SMOC2: variants seen among roughly 807,000 people sequenced by gnomAD.
SMOC2 encodes SPARC related modular calcium binding 2.
A neutral mutation model predicts 61.4 loss-of-function variants in SMOC2; 39 were observed. The ratio of observed to expected loss-of-function variants is 0.64; its 90% CI spans 0.49 to 0.83. SMOC2 has a LOEUF of 0.83. SMOC2 is among the 40% of genes least tolerant of loss of function. The pLI is 0.00. For synonymous variants in SMOC2, 247 were observed against 239.9 expected (o/e 1.03, Z -0.27); for missense variants, 556 against 592.9 (o/e 0.94, Z 0.65).
At chr6:168,496,343 A>G (rs1310900883) in intron 1 of SMOC2, among the ~76,000 whole-genome samples, 1 of 152,180 alleles carries the variant, frequency 6.6e-6, no homozygotes, top group Non-Finnish European at 1.5e-5. Context: ...GAAATGATTT[A>G]TGAGCTGCCT....
rs535056440 is a variant in SMOC2 at position 168,650,688 on chromosome 6, G to A, written c.915G>A (p.Pro305=). The change falls in exon 10 of 13, where the codon CCG becomes CCA. Residue 305 remains proline (P), a synonymous_variant. Transcript: ENST00000356284. The stretch of plus-strand genomic sequence containing the variant: ...CATACACGTGTTTTTCAGGTTGTCC[G>A]GGTGCCAAAAAGCATGAGTTTCTGA... ...LYKGRQLQGC[P]GAKKHEFLTS... is the part of the protein sequence containing the mutation. The A allele has an allele frequency of 1.9e-5, 30 of 1,613,230 alleles. No individual in the cohort carries two copies. Among genetic ancestry groups the A allele is most frequent in the Middle Eastern group, 1.6e-4 (1 of 6,072 alleles).
At chr6:168,462,984 T>C (rs1276392274) in intron 1 of SMOC2, among the ~76,000 whole-genome samples, 1 of 152,176 alleles carries the variant, frequency 6.6e-6, no homozygotes, top group Admixed American at 6.5e-5. Context: ...AATAACACAC[T>C]AAAACTCTCC....
intron 1 of SMOC2, among the ~76,000 whole-genome samples, chr6:168,463,191 T>C (rs1214202988): frequency 6.6e-6 from 1 of 152,176 alleles, no homozygotes; most frequent in Non-Finnish European, 1.5e-5. Flanking sequence ...ACAGAAGATA[T>C]TAAAGTGCAG....
At chr6:168,664,600 T>G in intron 12 of SMOC2, 1 of 412,090 alleles carries the variant, frequency 2.4e-6, no homozygotes, top group Non-Finnish European at 4.9e-6. Flanking sequence ...GCATCCTGCA[T>G]AAGCAGGTGC....
rs755948659 is a variant in SMOC2, at chr6:168,553,922, C to T, written c.637+4719C>T. On this transcript the variant is annotated intron_variant, in intron 7 of 12. Coordinates refer to ENST00000356284, the MANE Select transcript of SMOC2 (RefSeq NM_001166412.2). The surrounding 1 kb of genome is among the most constrained non-coding windows in gnomAD (Gnocchi z 4.2). ...TCGATTAAAACTTGCTTTTGAACTG[C>T]GTGTGCTGTGCATGGTGCCCCTTCC... Among the ~76,000 whole-genome samples the T allele has an allele frequency of 3.5e-4, 53 of 151,496 alleles. No individual in the cohort carries two copies. The highest frequency in any genetic ancestry group is 6.8e-4 in the Non-Finnish European group (46 of 68,028).
intron 8 of SMOC2, among the ~76,000 whole-genome samples, chr6:168,601,335 C>G (rs1785549714): frequency 6.6e-6 from 1 of 152,204 alleles, no homozygotes; most frequent in Admixed American, 6.5e-5. Flanking sequence ...CCCTGGCTGA[C>G]CGCCTGCTCT....
intron 2 of SMOC2, among the ~76,000 whole-genome samples, chr6:168,522,266 C>T (rs912174450): frequency 6.6e-6 from 1 of 152,182 alleles, no homozygotes; most frequent in Non-Finnish European, 1.5e-5. Flanking sequence ...CGGTTTAGCA[C>T]TGTGGCAGAC....
chr6:168,585,119 A>C (rs1440866310), intron 7 of SMOC2, among the ~76,000 whole-genome samples: 1 of 152,054 alleles, frequency 6.6e-6, no homozygotes, highest in African/African-American at 2.4e-5. Context: ...CACCACACAC[A>C]GTGAATTTTT....
At chr6:168,442,868 G>A (rs1781248653) in intron 1 of SMOC2, among the ~76,000 whole-genome samples, 1 of 152,150 alleles carries the variant, frequency 6.6e-6, no homozygotes, top group Non-Finnish European at 1.5e-5. Flanking sequence ...CTGCTAACTG[G>A]GGCTCCAAGG....
intron 7 of SMOC2, among the ~76,000 whole-genome samples, chr6:168,560,638 TGTCATTTTCATACCCTGAGACAC>T: frequency 3.4e-3 from 1 of 296 alleles, no homozygotes; most frequent in Non-Finnish European, 7.9e-3. Flanking sequence ...TTGGAGGAGG[TGTCATTTTCATACCCTGAGACAC>T]GAGGCTCTCA....
At chr6:168,655,515 C>A in intron 11 of SMOC2, 1 of 433,836 alleles carries the variant, frequency 2.3e-6, no homozygotes, top group Non-Finnish European at 4.7e-6. Context: ...TGCCCTGATC[C>A]CACTGCACAT....
At chr6:168,613,658 A>AGCCTCTTCACACCTACAGCCAGCACGGG (rs1785954798) in intron 9 of SMOC2, among the ~76,000 whole-genome samples, 1 of 75,858 alleles carries the variant, frequency 1.3e-5, no homozygotes, top group Admixed American at 1.4e-4. Flanking sequence ...CAGCACATGG[A>AGCCTCTTCACACCTACAGCCAGCACGGG]GCCTCTTCAC....
intron 2 of SMOC2, among the ~76,000 whole-genome samples, chr6:168,510,855 T>C (rs1203207559): frequency 6.6e-6 from 1 of 152,234 alleles, no homozygotes; most frequent in Non-Finnish European, 1.5e-5. Flanking sequence ...TCAGTTACTT[T>C]TGCAGACGAC....
chr6:168,646,330 G>A (rs1402357914), intron 9 of SMOC2, among the ~76,000 whole-genome samples: 2 of 152,092 alleles, frequency 1.3e-5, no homozygotes, highest in African/African-American at 4.8e-5. Flanking sequence ...TCTCTTGATC[G>A]GTGAGTGAGG....
At chr6:168,661,524 C>G (rs559169960) in intron 11 of SMOC2, among the ~76,000 whole-genome samples, 2 of 152,210 alleles carry the variant, frequency 1.3e-5, no homozygotes, top group African/African-American at 4.8e-5. Context: ...ATTGCTTGAA[C>G]CAGGGAGTTG....
At chr6:168,614,702 TACAGCCAGCACATGGAGCCTCTTCACAC>T in intron 9 of SMOC2, among the ~76,000 whole-genome samples, 1 of 69,906 alleles carries the variant, frequency 1.4e-5, no homozygotes. Flanking sequence ...TCTTCACACC[TACAGCCAGCACATGGAGCCTCTTCACAC>T]CTACAGCCAG....
At chr6:168,637,959 C>A (rs1259799668) in intron 9 of SMOC2, among the ~76,000 whole-genome samples, 1 of 152,090 alleles carries the variant, frequency 6.6e-6, no homozygotes, top group Non-Finnish European at 1.5e-5. Flanking sequence ...TGAGCGGGAG[C>A]CAGGCGTGCC....
At chr6:168,643,611 G>A (rs1026263016) in intron 9 of SMOC2, among the ~76,000 whole-genome samples, 1 of 152,218 alleles carries the variant, frequency 6.6e-6, no homozygotes, top group African/African-American at 2.4e-5. Flanking sequence ...TGGTGGGCAG[G>A]GGCCTTGTCT....
chr6:168,619,799 C>T (rs2115229239), intron 9 of SMOC2, among the ~76,000 whole-genome samples: 1 of 152,336 alleles, frequency 6.6e-6, no homozygotes, highest in South Asian at 2.1e-4. Flanking sequence ...AGAGGGGACT[C>T]TGCCTGGAGT....
Sources: allele counts gnomAD v4.1 joint callset (sites outside exome capture counted in the v4.1 genomes callset), GRCh38; gene constraint gnomAD v4.1.1; non-coding constraint Gnocchi (gnomAD v3.1); transcripts MANE v1.5; gene names NCBI Gene and HGNC (gene_info 2026-07-23, HGNC 2026-07-21).